Variants in NOL4 observed in about 807,000 individuals in gnomAD.
NOL4 encodes cancer/testis antigen 125.
A neutral mutation model predicts 75.9 loss-of-function variants in NOL4; 17 were observed. The ratio of observed to expected loss-of-function variants is 0.22; its 90% CI spans 0.15 to 0.34. NOL4 has a LOEUF of 0.34. Among genes scored for constraint, NOL4 ranks in the 10% least tolerant of loss-of-function variants. The pLI is 1.00. For missense variants in NOL4, 614 were observed against 793.5 expected (o/e 0.77, Z 2.72); for synonymous variants, 292 against 289.9 (o/e 1.01, Z -0.07).
chr18:34,218,076 A>G (rs1324247169), intron 1 of NOL4, among the ~76,000 whole-genome samples: 2 of 151,692 alleles, frequency 1.3e-5, no homozygotes, highest in African/African-American at 4.8e-5. Context: ...TAGTAGATTC[A>G]CATTCATCTT....
intron 9 of NOL4, among the ~76,000 whole-genome samples, chr18:33,921,340 A>G (rs1466949185): frequency 1.3e-5 from 2 of 152,180 alleles, no homozygotes; most frequent in African/African-American, 4.8e-5. Flanking sequence ...GGATAGGTGG[A>G]TAGATTTTTC....
chr18:33,854,164 G>A (rs1311994948), intron 10 of NOL4, among the ~76,000 whole-genome samples: 5 of 152,004 alleles, frequency 3.3e-5, no homozygotes, highest in African/African-American at 4.8e-5. Flanking sequence ...AATGGTATTC[G>A]TTTCATGAAC....
intron 5 of NOL4, among the ~76,000 whole-genome samples, chr18:34,081,006 C>G (rs1223651502): frequency 6.6e-6 from 1 of 152,184 alleles, no homozygotes; most frequent in Admixed American, 6.5e-5. Flanking sequence ...GAATAACATT[C>G]TGCAGTCTTC....
intron 6 of NOL4, among the ~76,000 whole-genome samples, chr18:33,969,139 A>G (rs1461834968): frequency 1.3e-5 from 2 of 152,180 alleles, no homozygotes; most frequent in African/African-American, 4.8e-5. Flanking sequence ...TCATTAAAGC[A>G]GCGTTTATGA....
rs539022067 is a variant in NOL4, at chr18:33,907,102, T to C, written c.1543-23678A>G. On this transcript the variant is annotated intron_variant, in intron 9 of 10. Transcript: ENST00000261592. ...ACTTTGGGAGGCCGAGGCAGGTGGA[T>C]CATGAGGTCAGGAGATCGAGACCAT... Among the ~76,000 whole-genome samples, 4 of 152,066 alleles carry C rather than the reference T, an allele frequency of 2.6e-5. No individual in the cohort carries two copies. In the East Asian group the frequency reaches 7.8e-4, roughly 30 times the overall value.
intron 1 of NOL4, among the ~76,000 whole-genome samples, chr18:34,197,106 TA>T (rs11296703): frequency 0.53 from 80,707 of 151,660 alleles, 21,609 homozygotes; most frequent in Admixed American, 0.59. Context: ...AAAAGGGTGC[TA>T]AACTTATATA....
intron 1 of NOL4, among the ~76,000 whole-genome samples, chr18:34,174,906 T>A (rs906033705): frequency 2.6e-5 from 4 of 152,168 alleles, no homozygotes; most frequent in African/African-American, 9.6e-5. Context: ...ATGTGCCACA[T>A]TTTCTTTATC....
At chr18:34,187,370 CTTTTTTTT>C (rs545524361) in intron 1 of NOL4, among the ~76,000 whole-genome samples, 1 of 78,352 alleles carries the variant, frequency 1.3e-5, no homozygotes, top group Non-Finnish European at 2.3e-5. Flanking sequence ...TAGTCCACTT[CTTTTTTTT>C]TTTTTTTTTT....
intron 6 of NOL4, among the ~76,000 whole-genome samples, chr18:34,016,814 A>G (rs1198261443): frequency 6.6e-6 from 1 of 152,164 alleles, no homozygotes; most frequent in Admixed American, 6.6e-5. Flanking sequence ...AAAGGGCAGG[A>G]ATCTTGCTCT....
At chr18:34,126,687 G>T (rs1305796605) in intron 2 of NOL4, among the ~76,000 whole-genome samples, 2 of 152,070 alleles carry the variant, frequency 1.3e-5, no homozygotes, top group African/African-American at 2.4e-5. Flanking sequence ...TGTATTCACA[G>T]AAAGTGAAGT....
intron 6 of NOL4, among the ~76,000 whole-genome samples, chr18:34,011,152 G>GAT (rs2146328396): frequency 6.6e-6 from 1 of 151,734 alleles, no homozygotes; most frequent in South Asian, 2.1e-4. Context: ...CAATTACACT[G>GAT]ATGTGATTAT....
intron 9 of NOL4, among the ~76,000 whole-genome samples, chr18:33,892,560 A>G (rs2144841650): frequency 6.6e-6 from 1 of 152,286 alleles, no homozygotes; most frequent in Non-Finnish European, 1.5e-5. Flanking sequence ...GATAATATTA[A>G]AATGCTACAA....
At chr18:34,049,660 A>G (rs1488014223) in intron 5 of NOL4, among the ~76,000 whole-genome samples, 6 of 151,968 alleles carry the variant, frequency 3.9e-5, no homozygotes, top group Non-Finnish European at 2.9e-5. Flanking sequence ...TTTCCCCGTA[A>G]TCTTTTCTAT....
At chr18:33,883,549 T>C in intron 9 of NOL4, 125 bp from the exon 10 acceptor site, 2 of 599,096 alleles carry the variant, frequency 3.3e-6, no homozygotes, top group Non-Finnish European at 2.6e-6. Flanking sequence ...GAATGTTAAG[T>C]AAGCACAGAT....
chr18:33,972,149 G>A (rs552321857), intron 6 of NOL4, among the ~76,000 whole-genome samples: 1 of 150,198 alleles, frequency 6.7e-6, no homozygotes, highest in African/African-American at 2.5e-5. Context: ...GGGAGATAGA[G>A]TGAGACTCTG....
intron 8 of NOL4, among the ~76,000 whole-genome samples, chr18:33,947,163 G>T (rs1012002766): frequency 6.6e-5 from 10 of 151,750 alleles, no homozygotes; most frequent in African/African-American, 1.9e-4. Flanking sequence ...GAGTGAGAAG[G>T]AAATTAATAA....
chr18:33,969,012 A>G (rs2070830776), intron 6 of NOL4, among the ~76,000 whole-genome samples: 1 of 152,240 alleles, frequency 6.6e-6, no homozygotes, highest in African/African-American at 2.4e-5. Context: ...TATTGCTAAT[A>G]TCATGCAAAC....
intron 1 of NOL4, among the ~76,000 whole-genome samples, chr18:34,164,813 T>A (rs1457895185): frequency 6.6e-6 from 1 of 151,902 alleles, no homozygotes; most frequent in African/African-American, 2.4e-5. Context: ...GCGGCACTAT[T>A]CACAATAGCA....
At chr18:34,032,330 C>G (rs1300926382) in intron 5 of NOL4, among the ~76,000 whole-genome samples, 1 of 152,130 alleles carries the variant, frequency 6.6e-6, no homozygotes, top group Non-Finnish European at 1.5e-5. Context: ...GGGGATCACC[C>G]CACCCCTGCC....
Sources: gnomAD v4.1 joint callset for allele counts (sites outside exome capture counted in the v4.1 genomes callset) on GRCh38, gnomAD v4.1.1 for gene constraint, MANE v1.5 for transcripts, NCBI Gene and HGNC (gene_info 2026-07-23, HGNC 2026-07-21) for gene names.